The following PRKN variants were observed in gnomAD, a reference collection of about 807,000 sequenced individuals.
PRKN encodes parkin RBR E3 ubiquitin protein ligase, also known as E3 ubiquitin-protein ligase parkin.
In PRKN, 56 loss-of-function variants were observed where a neutral mutation model predicts 59.5. The observed-to-expected ratio is 0.94, with a 90% CI of 0.76 to 1.18. PRKN has a LOEUF of 1.18. Among genes scored for constraint, PRKN ranks in the 50% most tolerant of loss-of-function variants. PRKN has a pLI of 0.00. For missense variants in PRKN, 657 were observed against 596.4 expected, an observed-to-expected ratio of 1.10 and a Z score of -1.06; for synonymous variants, 250 against 222.1, an observed-to-expected ratio of 1.13 and a Z score of -1.12.
chr6:162,184,020 C>T (rs1783915485), intron 4 of PRKN, among the ~76,000 whole-genome samples: 1 of 152,152 alleles, frequency 6.6e-6, no homozygotes, highest in Non-Finnish European at 1.5e-5. Flanking sequence ...CCAGTGAGTC[C>T]TTGAAATGTG....
At chr6:161,695,076 C>T (rs1785962534) in intron 7 of PRKN, among the ~76,000 whole-genome samples, 1 of 152,152 alleles carries the variant, frequency 6.6e-6, no homozygotes, top group Non-Finnish European at 1.5e-5. Context: ...CTACAGGCTC[C>T]CAGGTCAACC....
At position 162,435,164 on chromosome 6, in the gene PRKN, C is replaced by T. The variant is rs528877474; in HGVS notation, c.171+8146G>A. Reference sequence around the variant, plus strand: ...TGTCATTTATCAGGTTTCCTGTACCCTAATAAGATGCATCCTATGTTAAGA... The same window carrying T: ...TGTCATTTATCAGGTTTCCTGTACCTTAATAAGATGCATCCTATGTTAAGA... On this transcript the variant is annotated intron_variant, in intron 2 of 11. Transcript: ENST00000366898. 2.0e-5 allele frequency among the ~76,000 whole-genome samples: 3 copies of T among 152,290 alleles called. No homozygotes were observed. The South Asian group carries it at 6.2e-4, about 32-fold the overall frequency.
chr6:162,047,739 G>T lies in PRKN; in HGVS notation c.618+6352C>A, dbSNP rs972622151. ...CTTTTTGGACATAAAATACGGAAATGACTTCTGACATAAATCACAATTGCT... is the reference window on the plus strand; with the variant it reads ...CTTTTTGGACATAAAATACGGAAATTACTTCTGACATAAATCACAATTGCT... On this transcript the variant is annotated intron_variant, in intron 5 of 11. Coordinates refer to ENST00000366898, the MANE Select transcript of PRKN (RefSeq NM_004562.3). Among the ~76,000 whole-genome samples the T allele has an allele frequency of 2.0e-5, 3 of 152,146 alleles. No individual in the cohort carries two copies. The South Asian group carries it at 6.2e-4, about 32-fold the overall frequency.
At chr6:162,431,737 C>T (rs768471946) in intron 2 of PRKN, among the ~76,000 whole-genome samples, 81 of 152,192 alleles carry the variant, frequency 5.3e-4, no homozygotes, top group South Asian at 2.1e-3. Flanking sequence ...AGAGATGGTC[C>T]ACTACATTCC....
At chr6:161,696,700 T>A (rs966834660) in intron 7 of PRKN, among the ~76,000 whole-genome samples, 6 of 152,208 alleles carry the variant, frequency 3.9e-5, no homozygotes, top group African/African-American at 9.6e-5. Context: ...AATTCTACCC[T>A]CTTACAAAGT....
In PRKN at chr6:161,400,615, A is replaced by C. The variant is rs1562421920; in HGVS notation, c.1084-13738T>G. Among the ~76,000 whole-genome samples, 1 of 152,244 alleles carries C rather than the reference A, an allele frequency of 6.6e-6. No homozygotes were observed. The highest frequency in any genetic ancestry group is 1.9e-4 in the East Asian group (1 of 5,178). On this transcript the variant is annotated intron_variant, in intron 9 of 11. Coordinates refer to ENST00000366898, the MANE Select transcript of PRKN (RefSeq NM_004562.3). This position sits in a 1 kb window ranked among gnomAD's most constrained non-coding sequence, Gnocchi z 4.2. ...AGGCATGAGCCACCACGCTCGGCCG[A>C]AAATTAAACGTATTCTAAGACAAAG...
At chr6:162,439,687 CTCTTCCTCTTTA>C (rs1789959186) in intron 2 of PRKN, among the ~76,000 whole-genome samples, 1 of 134,938 alleles carries the variant, frequency 7.4e-6, no homozygotes, top group Non-Finnish European at 1.6e-5. Context: ...CCCCCTCTTC[CTCTTCCTCTTTA>C]GCCTACTCAA....
chr6:161,972,498 G>A (rs933477519), intron 6 of PRKN, among the ~76,000 whole-genome samples: 3 of 152,184 alleles, frequency 2.0e-5, no homozygotes, highest in Non-Finnish European at 2.9e-5. Flanking sequence ...ACCGCAATTC[G>A]TATTGAGTCG....
chr6:161,874,556 TTA>T (rs1307042327), intron 6 of PRKN, among the ~76,000 whole-genome samples: 1 of 108,910 alleles, frequency 9.2e-6, no homozygotes, highest in Non-Finnish European at 1.6e-5. Flanking sequence ...AAAATATATA[TTA>T]TATATAAAAT....
intron 1 of PRKN, chr6:162,569,740 A>T (rs1780236552): frequency 1.9e-6 from 1 of 525,222 alleles, no homozygotes; most frequent in Admixed American, 2.6e-5. Flanking sequence ...CAGCTGCGAC[A>T]GCCCCTCCCA....
At chr6:161,780,967 A>C (rs1402278368) in intron 7 of PRKN, among the ~76,000 whole-genome samples, 1 of 152,208 alleles carries the variant, frequency 6.6e-6, no homozygotes, top group Non-Finnish European at 1.5e-5. Context: ...CATGCTAAAC[A>C]ATCTTGTGAC....
In PRKN at chr6:162,505,371, T is replaced by C. The variant is rs145864927; in HGVS notation, c.8-61898A>G. Among the ~76,000 whole-genome samples the C allele has an allele frequency of 8.5e-5, 13 of 152,292 alleles. No individual in the cohort carries two copies. The East Asian group carries it at 2.5e-3, about 29-fold the overall frequency. The stretch of plus-strand genomic sequence containing the variant: ...TGGCATGCCCCTATTAAAATAAGCA[T>C]ACTAGAGCAATTTTTCTCAAAATGT... On this transcript the variant is annotated intron_variant, in intron 1 of 11. Transcript: ENST00000366898.
At chr6:162,088,763 G>T (rs560252796) in intron 4 of PRKN, among the ~76,000 whole-genome samples, 6 of 152,124 alleles carry the variant, frequency 3.9e-5, no homozygotes, top group African/African-American at 1.4e-4. Context: ...AGGTCCAGGG[G>T]ATACCTTGGT....
chr6:161,783,977 C>T (rs2128206249), intron 7 of PRKN, among the ~76,000 whole-genome samples: 1 of 152,282 alleles, frequency 6.6e-6, no homozygotes, highest in African/African-American at 2.4e-5. Flanking sequence ...CTATAATTGA[C>T]ATTAAAACTA....
At chr6:161,760,921 C>T (rs547710327) in intron 7 of PRKN, among the ~76,000 whole-genome samples, 1 of 152,308 alleles carries the variant, frequency 6.6e-6, no homozygotes, top group African/African-American at 2.4e-5. Context: ...TGAGGCAGCA[C>T]ATATTTCAAT....
chr6:162,460,272 T>A lies in PRKN; in HGVS notation c.8-16799A>T, dbSNP rs554371001. ...TCAGTGAAAGAAGCCAGTCATAAGA[T>A]GTTGTATGATTCCATTGATATTGAA... is the stretch of plus-strand genomic sequence containing the variant. On this transcript the variant is annotated intron_variant, in intron 1 of 11. Transcript: ENST00000366898. Among the ~76,000 whole-genome samples the A allele has an allele frequency of 3.3e-5, 5 of 152,264 alleles. No individual in the cohort carries two copies. The East Asian group carries it at 9.7e-4, about 29-fold the overall frequency.
At chr6:162,369,786 C>A (rs1245641925) in intron 2 of PRKN, among the ~76,000 whole-genome samples, 1 of 152,210 alleles carries the variant, frequency 6.6e-6, no homozygotes, top group East Asian at 1.9e-4. Flanking sequence ...ACAGAAATAA[C>A]CCCTTTTCCC....
At chr6:161,851,852 C>T (rs913884313) in intron 6 of PRKN, among the ~76,000 whole-genome samples, 4 of 151,392 alleles carry the variant, frequency 2.6e-5, no homozygotes, top group Non-Finnish European at 5.9e-5. Flanking sequence ...TTTTGGAGGC[C>T]GAGGCGGGCG....
chr6:162,404,513 G>A (rs1055370105), intron 2 of PRKN, among the ~76,000 whole-genome samples: 17 of 152,002 alleles, frequency 1.1e-4, no homozygotes, highest in African/African-American at 4.1e-4. Flanking sequence ...ATTCCAAATA[G>A]TACACTCATA....
Sources: allele counts gnomAD v4.1 joint callset (sites outside exome capture counted in the v4.1 genomes callset), GRCh38; gene constraint gnomAD v4.1.1; non-coding constraint Gnocchi (gnomAD v3.1); transcripts MANE v1.5; gene names NCBI Gene and HGNC (gene_info 2026-07-23, HGNC 2026-07-21).